The following KLHL32 variants were observed in gnomAD, a reference collection of about 807,000 sequenced individuals.
The protein encoded by KLHL32 is kelch-like protein 32.
In KLHL32, 35 loss-of-function variants were observed where a neutral mutation model predicts 64.8. The ratio of observed to expected loss-of-function variants is 0.54; its 90% CI spans 0.41 to 0.72. KLHL32 has a LOEUF of 0.72. Ranked by LOEUF, KLHL32 falls within the 30% of genes least tolerant of loss-of-function variation. The pLI is 0.00. For missense variants in KLHL32, 589 were observed against 768.5 expected, an observed-to-expected ratio of 0.77 and a Z score of 2.76; for synonymous variants, 259 against 281.0, an observed-to-expected ratio of 0.92 and a Z score of 0.78.
At chr6:96,963,268 G>A (rs1366244870) in intron 1 of KLHL32, among the ~76,000 whole-genome samples, 1 of 152,112 alleles carries the variant, frequency 6.6e-6, no homozygotes, top group Non-Finnish European at 1.5e-5. Flanking sequence ...TTCTGGATGG[G>A]AAAGACAAGT....
At chr6:97,115,295 C>T (rs1485178497) in intron 7 of KLHL32, among the ~76,000 whole-genome samples, 2 of 152,172 alleles carry the variant, frequency 1.3e-5, no homozygotes, top group African/African-American at 4.8e-5. Context: ...GGATTGCAGG[C>T]GTGAGCCACT....
At chr6:96,914,372 T>G in the KLHL32 span, among the ~76,000 whole-genome samples, 1 of 152,126 alleles carries the variant, frequency 6.6e-6, no homozygotes, top group Non-Finnish European at 1.5e-5. Flanking sequence ...ACTTTGACTT[T>G]TTATCTAGTG....
Position 97,127,462 on chromosome 6 carries a change from G to A in KLHL32, c.1413G>A (p.Gln471=). 6.2e-7 allele frequency: 1 copy of A among 1,610,358 alleles called. No individual in the cohort carries two copies. Among genetic ancestry groups the A allele is most frequent in the Non-Finnish European group, 8.5e-7 (1 of 1,177,194 alleles). The part of the protein sequence containing the change: ...QNRLMVYEPN[Q]NKWISRSPML... The stretch of plus-strand genomic sequence containing the variant: ...GGCTAATGGTGTATGAACCTAACCA[G>A]GTAAGAATCATGTAAGAACACCTCA... The change falls in exon 8 of 11, where the codon CAG becomes CAA. Residue 471 remains glutamine (Q), a splice_region_variant and synonymous_variant. Coordinates refer to ENST00000369261, the MANE Select transcript of KLHL32 (RefSeq NM_052904.4).
At chr6:96,954,576 A>G (rs1164730953) in intron 1 of KLHL32, among the ~76,000 whole-genome samples, 1 of 152,204 alleles carries the variant, frequency 6.6e-6, no homozygotes, top group East Asian at 1.9e-4. Flanking sequence ...CCTGGATTAT[A>G]TAAACCTAGC....
chr6:96,943,099 TACATATAC>T lies in KLHL32; in HGVS notation c.-66+18087_-66+18094del, dbSNP rs377070555. Among the ~76,000 whole-genome samples the T allele has an allele frequency of 3.3e-5, 5 of 150,726 alleles. No homozygotes were observed. In the South Asian group the frequency reaches 6.4e-4, roughly 19 times the overall value. On this transcript the variant is annotated intron_variant, in intron 1 of 10. Transcript: ENST00000369261. Reference sequence around the variant, plus strand: ...GTACATACACACACATATATGCACATACATATACACATATACACATACCAGCATATAGA... The same window carrying T: ...GTACATACACACACATATATGCACATACATATACACATACCAGCATATAGA...
chr6:96,928,815 A>G (rs1299611892), intron 1 of KLHL32, among the ~76,000 whole-genome samples: 1 of 152,158 alleles, frequency 6.6e-6, no homozygotes, highest in African/African-American at 2.4e-5. Context: ...GTTTTTTTCT[A>G]GTAGAGTCAT....
chr6:97,134,784 T>C (rs1644166175), intron 10 of KLHL32, among the ~76,000 whole-genome samples: 1 of 152,206 alleles, frequency 6.6e-6, no homozygotes, highest in South Asian at 2.1e-4. Flanking sequence ...AGTGCTGCCA[T>C]AGTGCACATT....
intron 3 of KLHL32, among the ~76,000 whole-genome samples, chr6:96,993,059 T>C (rs1778062747): frequency 6.6e-6 from 1 of 152,258 alleles, no homozygotes; most frequent in Non-Finnish European, 1.5e-5. Context: ...AACTGTTATC[T>C]GGGCAGTGCT....
chr6:96,974,388 C>A (rs898332360), intron 2 of KLHL32, among the ~76,000 whole-genome samples: 3 of 152,198 alleles, frequency 2.0e-5, no homozygotes, highest in Non-Finnish European at 4.4e-5. Context: ...AATCTCCATT[C>A]TAGACTTTGC....
intron 6 of KLHL32, among the ~76,000 whole-genome samples, chr6:97,104,138 C>A (rs994955223): frequency 5.9e-5 from 9 of 152,208 alleles, no homozygotes; most frequent in African/African-American, 2.2e-4. Flanking sequence ...TTGATTTTCT[C>A]TTCATCTTGA....
intron 3 of KLHL32, among the ~76,000 whole-genome samples, chr6:97,041,034 T>C (rs1785039523): frequency 6.6e-6 from 1 of 152,162 alleles, no homozygotes; most frequent in African/African-American, 2.4e-5. Flanking sequence ...TTATAGCATA[T>C]GAAAATGAAC....
At chr6:97,025,826 T>C (rs541719325) in intron 3 of KLHL32, among the ~76,000 whole-genome samples, 99 of 152,308 alleles carry the variant, frequency 6.5e-4, no homozygotes, top group African/African-American at 2.4e-3. Context: ...GTAATAGTAG[T>C]ACCTGACTTC....
chr6:96,994,623 C>G (rs1339224558), intron 3 of KLHL32: 1 of 985,204 alleles, frequency 1.0e-6, no homozygotes, highest in Non-Finnish European at 1.2e-6. Context: ...GAGTTAATAT[C>G]AGCTTTTCTT....
At chr6:97,095,548 T>A (rs1296489615) in intron 6 of KLHL32, among the ~76,000 whole-genome samples, 1 of 152,148 alleles carries the variant, frequency 6.6e-6, no homozygotes, top group East Asian at 1.9e-4. Flanking sequence ...AGCTGGGAAA[T>A]CCTGTTTTCG....
At chr6:97,007,102 T>G (rs575364995) in intron 3 of KLHL32, among the ~76,000 whole-genome samples, 2 of 152,308 alleles carry the variant, frequency 1.3e-5, no homozygotes, top group South Asian at 4.1e-4. Context: ...TTGCTTGTTT[T>G]TTTCTCTCTC....
intron 3 of KLHL32, among the ~76,000 whole-genome samples, chr6:97,030,131 G>A (rs1783321776): frequency 6.6e-6 from 1 of 152,184 alleles, no homozygotes; most frequent in South Asian, 2.1e-4. Context: ...CAGTGGTTTT[G>A]CCTGTGTTCA....
intron 3 of KLHL32, among the ~76,000 whole-genome samples, chr6:96,992,483 G>T (rs1203986752): frequency 6.6e-6 from 1 of 152,240 alleles, no homozygotes; most frequent in East Asian, 1.9e-4. Context: ...AGAGCAATGC[G>T]CACTAGCTGC....
chr6:96,993,947 T>G (rs1275640984), intron 3 of KLHL32, among the ~76,000 whole-genome samples: 1 of 151,906 alleles, frequency 6.6e-6, no homozygotes, highest in African/African-American at 2.4e-5. Flanking sequence ...GACATTATTA[T>G]TCTGGACAGT....
chr6:96,951,477 G>T (rs548304162), intron 1 of KLHL32, among the ~76,000 whole-genome samples: 1 of 152,110 alleles, frequency 6.6e-6, no homozygotes, highest in East Asian at 1.9e-4. Context: ...GGCCATGTGG[G>T]GCATGTTGGA....
Sources: gnomAD v4.1 joint callset for allele counts (sites outside exome capture counted in the v4.1 genomes callset) on GRCh38, gnomAD v4.1.1 for gene constraint, MANE v1.5 for transcripts, NCBI Gene and HGNC (gene_info 2026-07-23, HGNC 2026-07-21) for gene names.